Variants in CCDC81 observed in about 807,000 individuals in gnomAD.
CCDC81 encodes the protein coiled-coil domain-containing protein 81.
A neutral mutation model predicts 83.7 loss-of-function variants in CCDC81; 79 were observed. That is an observed-to-expected ratio of 0.94 (90% confidence interval 0.79 to 1.14). CCDC81 has a LOEUF of 1.14. Ranked by LOEUF, CCDC81 falls within the 50% of genes most tolerant of loss-of-function variation. The pLI is 0.00. For missense variants in CCDC81, 791 were observed against 778.1 expected (o/e 1.02, Z -0.20); for synonymous variants, 252 against 278.1 (o/e 0.91, Z 0.93).
intron 9 of CCDC81, 100 bp downstream of exon 9, chr11:86,408,370 T>TG: frequency 8.5e-7 from 1 of 1,180,596 alleles, no homozygotes; most frequent in Non-Finnish European, 1.1e-6. Flanking sequence ...TCTCACTCTG[T>TG]CACCCAGGTT....
At position 86,375,963 on chromosome 11, in the gene CCDC81, C is replaced by T. The variant is rs185790747; in HGVS notation, c.79+721C>T. Among the ~76,000 whole-genome samples the T allele has an allele frequency of 2.2e-3, 339 of 152,322 alleles. 1 individual carries two copies. Among genetic ancestry groups the T allele is most frequent in the Non-Finnish European group, 3.7e-3 (255 of 68,020 alleles). On this transcript the variant is annotated intron_variant, in intron 1 of 14. Transcript: ENST00000445632. ...ATAGGAATGGCTGCTTCTTTCTCTT[C>T]CCCTGCATCACTCCTATCTTTTCCT...
At chr11:86,391,133 A>G (rs370032431) in intron 3 of CCDC81, among the ~76,000 whole-genome samples, 17 of 152,328 alleles carry the variant, frequency 1.1e-4, no homozygotes, top group African/African-American at 4.1e-4. Context: ...GATCTGAAAG[A>G]CAGATTGCAG....
At position 86,387,642 on chromosome 11, in the gene CCDC81, G is replaced by A. The variant is rs1175066459; in HGVS notation, c.268G>A (p.Gly90Arg). 1 of 1,607,058 alleles carries A rather than the reference G, an allele frequency of 6.2e-7. No individual in the cohort carries two copies. Among genetic ancestry groups the A allele is most frequent in the Non-Finnish European group, 8.5e-7 (1 of 1,174,812 alleles). Residue 90 changes from glycine to arginine, a missense_variant, in exon 3 of 15, where the codon GGA becomes AGA. Transcript: ENST00000445632. ...IMVEKLVQIH[G>R]LKQNKVYTPG... ...GGTGGAGAAGCTAGTGCAGATTCAT[G>A]GACTCAAACAAAACAAAGTATATAC...
chr11:86,390,767 A>G (rs1343730925), intron 3 of CCDC81, among the ~76,000 whole-genome samples: 1 of 152,160 alleles, frequency 6.6e-6, no homozygotes, highest in African/African-American at 2.4e-5. Flanking sequence ...TGCTCATGCT[A>G]TCAATTACCT....
At chr11:86,412,299 ATACT>A in intron 10 of CCDC81, 84 bp from the exon 11 acceptor site, 1 of 1,070,312 alleles carries the variant, frequency 9.3e-7, no homozygotes, top group Non-Finnish European at 1.4e-6. Flanking sequence ...AAATTAAGAA[ATACT>A]TTCTGATTTA....
intron 8 of CCDC81, 89 bp from the exon 9 acceptor site, chr11:86,408,038 T>C: frequency 3.0e-6 from 4 of 1,317,696 alleles, no homozygotes; most frequent in Non-Finnish European, 4.2e-6. Context: ...TTTCTTGATA[T>C]ACCTAGCCTT....
At chr11:86,378,209 C>G (rs975027939) in intron 1 of CCDC81, among the ~76,000 whole-genome samples, 6 of 152,040 alleles carry the variant, frequency 3.9e-5, no homozygotes, top group Non-Finnish European at 7.4e-5. Context: ...TGGGTAGTGA[C>G]AGTCCTCTGA....
chr11:86,417,236 C>A (rs1278814383), intron 13 of CCDC81, among the ~76,000 whole-genome samples: 1,244 of 134,644 alleles, frequency 9.2e-3, no homozygotes, highest in Middle Eastern at 0.015. Flanking sequence ...GAGATTGCCT[C>A]AAAAAAAAAA....
chr11:86,407,419 A>G (rs1370046237), intron 7 of CCDC81, among the ~76,000 whole-genome samples, 195 bp from the exon 8 acceptor site: 1 of 152,228 alleles, frequency 6.6e-6, no homozygotes, highest in East Asian at 1.9e-4. Flanking sequence ...CAAGCAAGAA[A>G]GCTGGGATTC....
At chr11:86,420,076 A>G (rs1565773363) in intron 14 of CCDC81, 23 bp downstream of exon 14, 3 of 1,605,986 alleles carry the variant, frequency 1.9e-6, no homozygotes, top group Non-Finnish European at 2.5e-6. Flanking sequence ...TGGAACCCCA[A>G]AATTCTCCTG....
chr11:86,381,859 G>C (rs969356663), intron 1 of CCDC81, among the ~76,000 whole-genome samples: 30 of 152,134 alleles, frequency 2.0e-4, no homozygotes, highest in Non-Finnish European at 2.8e-4. Flanking sequence ...GATAATTTGA[G>C]CTGAGTTGTG....
At chr11:86,386,014 A>G (rs753475871) in intron 1 of CCDC81, 37 bp from the exon 2 acceptor site, 24 of 1,140,020 alleles carry the variant, frequency 2.1e-5, no homozygotes, top group Admixed American at 5.6e-5. Context: ...GGGTGCGCAT[A>G]TAAATTGAAT....
At chr11:86,410,208 C>T (rs1201000572) in intron 10 of CCDC81, among the ~76,000 whole-genome samples, 2 of 152,172 alleles carry the variant, frequency 1.3e-5, no homozygotes, top group East Asian at 3.8e-4. Flanking sequence ...CTGAATCTTC[C>T]TCTTTATATA....
intron 3 of CCDC81, among the ~76,000 whole-genome samples, chr11:86,391,343 A>G (rs1301202413): frequency 2.0e-5 from 3 of 152,252 alleles, no homozygotes; most frequent in Non-Finnish European, 2.9e-5. Context: ...TTGAAAGGAT[A>G]TAACTCATGC....
At chr11:86,399,482 AT>A (rs1349432340) in intron 6 of CCDC81, among the ~76,000 whole-genome samples, 1 of 151,878 alleles carries the variant, frequency 6.6e-6, no homozygotes, top group African/African-American at 2.4e-5. Context: ...TGCCTGGCTA[AT>A]TTTTGTACTT....
Position 86,392,394 on chromosome 11 carries a change from A to C in CCDC81, c.299-147A>C, listed in dbSNP as rs1948343442. 1.4e-5 allele frequency: 13 copies of C among 903,688 alleles called. No individual in the cohort carries two copies. The South Asian group carries it at 2.4e-4, about 17-fold the overall frequency. The allele number at this position is 903,688 out of a possible 1,614,324, so 56.0% of individuals were successfully genotyped here. On this transcript the variant is annotated intron_variant, in intron 3 of 14. Transcript: ENST00000445632. ...CTACTTAATTGTCTGCAGTAATAAT[A>C]TTACATTGGGTACAACTAAAAGCTT... is the stretch of plus-strand genomic sequence containing the variant.
At chr11:86,411,743 C>T (rs146414844) in intron 10 of CCDC81, among the ~76,000 whole-genome samples, 201 of 152,334 alleles carry the variant, frequency 1.3e-3, no homozygotes, top group Non-Finnish European at 1.0e-3. Context: ...CCAGTTGAAA[C>T]TGACCCAATA....
intron 1 of CCDC81, among the ~76,000 whole-genome samples, chr11:86,380,717 A>C (rs1948165492): frequency 6.6e-6 from 1 of 152,160 alleles, no homozygotes; most frequent in Admixed American, 6.5e-5. Context: ...CCAGTCCACT[A>C]GTAAGCCTAT....
In CCDC81 at chr11:86,375,886, T is replaced by C. The variant is rs1274398781; in HGVS notation, c.79+644T>C. ...ATGCAAACTCATTATTATCAAACCA[T>C]TGTAACTTAGAGATGTTGCTTAGGC... On this transcript the variant is annotated intron_variant, in intron 1 of 14. Transcript: ENST00000445632. 3.3e-5 allele frequency among the ~76,000 whole-genome samples: 5 copies of C among 152,146 alleles called. No homozygotes were observed. In the South Asian group the frequency reaches 6.2e-4, roughly 19 times the overall value.
Sources: allele counts gnomAD v4.1 joint callset (sites outside exome capture counted in the v4.1 genomes callset), GRCh38; gene constraint gnomAD v4.1.1; transcripts MANE v1.5; gene names NCBI Gene and HGNC (gene_info 2026-07-23, HGNC 2026-07-21).